Variants in TMEM131 observed in about 807,000 individuals in gnomAD.
TMEM131 encodes transmembrane protein 131.
A neutral mutation model predicts 211.6 loss-of-function variants in TMEM131; 66 were observed. The ratio of observed to expected loss-of-function variants is 0.31; its 90% CI spans 0.26 to 0.38. The LOEUF is 0.38. Ranked by LOEUF, TMEM131 falls within the 10% of genes least tolerant of loss-of-function variation. The probability of loss-of-function intolerance (pLI) is 1.00; values close to 1 mark genes in which losing one functional copy is unlikely to be tolerated. For missense variants in TMEM131, 2,036 were observed against 2,299.3 expected (o/e 0.89, Z 2.34); for synonymous variants, 844 against 841.3 (o/e 1.00, Z -0.06).
chr2:97,874,392 C>T (rs1019851593), intron 4 of TMEM131, among the ~76,000 whole-genome samples: 1 of 152,100 alleles, frequency 6.6e-6, no homozygotes, highest in Non-Finnish European at 1.5e-5. Context: ...CAACACTCCT[C>T]GAGAAGAGCA....
intron 5 of TMEM131, among the ~76,000 whole-genome samples, chr2:97,845,051 C>T (rs891062417): frequency 6.6e-6 from 1 of 151,802 alleles, no homozygotes; most frequent in African/African-American, 2.4e-5. Context: ...TTACCACCAA[C>T]AAAAGAGTAA....
chr2:97,818,188 TA>T (rs1458830731), intron 12 of TMEM131, among the ~76,000 whole-genome samples: 4 of 152,244 alleles, frequency 2.6e-5, no homozygotes, highest in African/African-American at 9.6e-5. Context: ...CTGCTTTGCC[TA>T]TAAAAGCCAA....
chr2:97,794,332 G>T (rs904939426), intron 29 of TMEM131, among the ~76,000 whole-genome samples: 1 of 152,088 alleles, frequency 6.6e-6, no homozygotes, highest in Non-Finnish European at 1.5e-5. Flanking sequence ...CACCGTGCCC[G>T]GCCTGCTCAT....
At chr2:97,912,841 T>C (rs1676342117) in intron 2 of TMEM131, among the ~76,000 whole-genome samples, 1 of 152,032 alleles carries the variant, frequency 6.6e-6, no homozygotes, top group African/African-American at 2.4e-5. Context: ...CACTCCCAAC[T>C]CCAAAAGGGG....
At chr2:97,896,370 A>G (rs1325722446) in intron 3 of TMEM131, among the ~76,000 whole-genome samples, 1 of 152,100 alleles carries the variant, frequency 6.6e-6, no homozygotes, top group African/African-American at 2.4e-5. Context: ...GCAGATGTCT[A>G]TTAGGTTTGC....
In TMEM131 at chr2:97,841,921, A is replaced by T. The variant is rs1683216822; in HGVS notation, c.617T>A (p.Val206Asp). The change falls in exon 7 of 41, where the codon GTT becomes GAT. Residue 206 changes from valine to aspartate, a missense_variant. Physicochemically the swap from Val to Asp is radical, Grantham distance 152. Around this residue, in one of 3 missense-constraint regions of TMEM131, gnomAD observed 277 missense variants for 378.0 expected, o/e 0.73. Coordinates refer to ENST00000186436, the MANE Select transcript of TMEM131 (RefSeq NM_015348.2). The stretch of plus-strand genomic sequence containing the variant: ...CGGCCTCAATCGATATGGATTTGGA[A>T]CTCCAACACCAAATACCTGTTTCAG... ...VFTYQVFGVG[V>D]PNPYRLRPFL... 1 of 1,573,666 alleles carries T rather than the reference A, an allele frequency of 6.4e-7. No individual in the cohort carries two copies. The highest frequency in any genetic ancestry group is 1.2e-5 in the South Asian group (1 of 83,548).
chr2:97,758,921 C>G lies in TMEM131; in HGVS notation c.5339G>C (p.Ser1780Thr), dbSNP rs372887809. Residue 1780 changes from serine (S) to threonine (T), a missense_variant, in exon 40 of 41, where the codon AGT becomes ACT. Around this residue, in one of 3 missense-constraint regions of TMEM131, gnomAD observed 1,623 missense variants for 1,805.9 expected, o/e 0.90. Transcript: ENST00000186436. ...GGCTGTGTGGGTCGGGGAGCCGGAA[C>G]TGGCTGGCCAGGAAGGACTGGGATC... The part of the protein sequence containing the change: ...ATDPSPSWPA[S>T]SGSPTHTATS... 1 of 1,613,492 alleles carries G rather than the reference C, an allele frequency of 6.2e-7. No individual in the cohort carries two copies. Among genetic ancestry groups the G allele is most frequent in the Admixed American group, 1.7e-5 (1 of 59,976 alleles).
chr2:97,779,384 C>T (rs1219314739), intron 31 of TMEM131, among the ~76,000 whole-genome samples: 1 of 152,240 alleles, frequency 6.6e-6, no homozygotes, highest in Admixed American at 6.5e-5. Flanking sequence ...TCTGTCCCCA[C>T]AGGGAGTGGC....
intron 4 of TMEM131, among the ~76,000 whole-genome samples, chr2:97,865,694 T>C (rs1291240874): frequency 6.6e-6 from 1 of 152,236 alleles, no homozygotes; most frequent in Non-Finnish European, 1.5e-5. Flanking sequence ...TATTTGTCTA[T>C]ATTTTCTTGT....
chr2:97,961,616 T>C (rs1472424762), intron 1 of TMEM131, among the ~76,000 whole-genome samples: 1 of 152,218 alleles, frequency 6.6e-6, no homozygotes, highest in Non-Finnish European at 1.5e-5. Flanking sequence ...GTATTCATAC[T>C]GCCTCCCTTT....
At chr2:97,915,351 G>A (rs1409011249) in intron 2 of TMEM131, among the ~76,000 whole-genome samples, 1 of 152,080 alleles carries the variant, frequency 6.6e-6, no homozygotes, top group Non-Finnish European at 1.5e-5. Context: ...AGACCAGTCT[G>A]GCTCTGTTGC....
In TMEM131 at chr2:97,902,888, C is replaced by T. The variant is rs141534077; in HGVS notation, c.290+5770G>A. Among the ~76,000 whole-genome samples the T allele has an allele frequency of 6.2e-3, 951 of 152,258 alleles. 15 individuals are homozygous for T. The highest frequency in any genetic ancestry group is 0.02 in the African/African-American group (829 of 41,548). On this transcript the variant is annotated intron_variant, in intron 3 of 40. Coordinates refer to ENST00000186436, the MANE Select transcript of TMEM131 (RefSeq NM_015348.2). ...TTTCTCCTGTGCTGGATGGTTCTCGCCCTTGAACGCTGGACTCCCAAGTTC... is the reference window on the plus strand; with the variant it reads ...TTTCTCCTGTGCTGGATGGTTCTCGTCCTTGAACGCTGGACTCCCAAGTTC...
chr2:97,830,132 TAAAAAAA>T lies in TMEM131; in HGVS notation c.1074+3226_1074+3232del, dbSNP rs60531384. On this transcript the variant is annotated intron_variant, in intron 11 of 40. Coordinates refer to ENST00000186436, the MANE Select transcript of TMEM131 (RefSeq NM_015348.2). ...TCTGAATTCTTCACTCATTATCAGT[TAAAAAAA>T]AAAAAAAAAAAAAAAAACCAAACCC... Among the ~76,000 whole-genome samples, 23 of 72,320 alleles carry T rather than the reference TAAAAAAA, an allele frequency of 3.2e-4. 1 individual carries two copies. In the South Asian group the frequency reaches 6.6e-3, roughly 21 times the overall value. 47.4% of individuals were successfully genotyped at this position (72,320 alleles called of 152,430 possible). A position where few individuals can be genotyped will look rare whatever the true frequency, so the allele number is the denominator to read the frequency against.
chr2:97,887,729 A>C (rs1675219280), intron 4 of TMEM131: 2 of 202,378 alleles, frequency 9.9e-6, no homozygotes, highest in Non-Finnish European at 1.9e-5. Context: ...ATTCATAAGA[A>C]GATTTTTAAA....
intron 1 of TMEM131, among the ~76,000 whole-genome samples, chr2:97,942,984 GA>G (rs1234384925): frequency 1.7e-3 from 52 of 31,190 alleles, no homozygotes; most frequent in Admixed American, 0.01. Context: ...AAGAAAGAAA[GA>G]AAAGAAAGAA....
At chr2:97,864,147 TCTCA>T (rs1674176494) in intron 4 of TMEM131, among the ~76,000 whole-genome samples, 1 of 152,182 alleles carries the variant, frequency 6.6e-6, no homozygotes, top group Non-Finnish European at 1.5e-5. Flanking sequence ...CTTTCCATGT[TCTCA>T]CTATTTGTGG....
intron 4 of TMEM131, among the ~76,000 whole-genome samples, chr2:97,872,865 T>C (rs190135237): frequency 5.3e-4 from 80 of 152,216 alleles, no homozygotes; most frequent in Non-Finnish European, 9.6e-4. Flanking sequence ...CCATACCCCA[T>C]TGGCACCTGG....
intron 6 of TMEM131, among the ~76,000 whole-genome samples, chr2:97,842,492 C>T (rs1320556450): frequency 6.8e-6 from 1 of 147,878 alleles, no homozygotes; most frequent in Non-Finnish European, 1.5e-5. Context: ...GTATTGGAGA[C>T]AGACTGGATA....
At chr2:97,851,065 G>A (rs547084935) in intron 5 of TMEM131, among the ~76,000 whole-genome samples, 5 of 151,454 alleles carry the variant, frequency 3.3e-5, no homozygotes, top group Non-Finnish European at 5.9e-5. Context: ...CTAAGAAACC[G>A]TAATTTTCCC....
Sources: allele counts gnomAD v4.1 joint callset (sites outside exome capture counted in the v4.1 genomes callset), GRCh38; gene constraint gnomAD v4.1.1; regional missense constraint gnomAD v4.1.1; transcripts MANE v1.5; gene names NCBI Gene and HGNC (gene_info 2026-07-23, HGNC 2026-07-21).